TXNRD2: variants seen among roughly 807,000 people sequenced by gnomAD.
TXNRD2 encodes thioredoxin reductase 2, mitochondrial.
Under a neutral mutation model 70.8 loss-of-function variants are expected in TXNRD2, and 67 were observed. The observed-to-expected ratio is 0.95, with a 90% CI of 0.78 to 1.16. The LOEUF (loss-of-function observed/expected upper bound fraction) is 1.16, where lower values mean the gene tolerates loss of function less well. TXNRD2 is among the 50% of genes most tolerant of loss of function. TXNRD2 has a pLI of 0.00. For synonymous variants in TXNRD2, 301 were observed against 295.8 expected, an observed-to-expected ratio of 1.02 and a Z score of -0.18; for missense variants, 644 against 719.9, an observed-to-expected ratio of 0.89 and a Z score of 1.21.
At chr22:19,934,259 C>T (rs747755737) in intron 1 of TXNRD2, among the ~76,000 whole-genome samples, 12 of 152,144 alleles carry the variant, frequency 7.9e-5, no homozygotes, top group Non-Finnish European at 1.6e-4. Flanking sequence ...GCAGGGCCCA[C>T]AGTCCCAGCT....
intron 8 of TXNRD2, among the ~76,000 whole-genome samples, chr22:19,900,575 C>T (rs58923483): frequency 0.03 from 4,638 of 152,132 alleles, 98 homozygotes; most frequent in South Asian, 0.087. Flanking sequence ...ATGGTGAAAC[C>T]CCATCTCTAC....
intron 2 of TXNRD2, among the ~76,000 whole-genome samples, chr22:19,926,232 G>A (rs370790262): frequency 8.3e-5 from 12 of 144,780 alleles, no homozygotes; most frequent in Admixed American, 2.1e-4. Flanking sequence ...GCTCATGCCT[G>A]TAATACCGGC....
At chr22:19,923,927 C>T (rs1001142316) in intron 2 of TXNRD2, among the ~76,000 whole-genome samples, 17 of 144,436 alleles carry the variant, frequency 1.2e-4, no homozygotes, top group African/African-American at 3.4e-4. Flanking sequence ...ACTTGGGTAC[C>T]TGGTTTGTGG....
chr22:19,880,356 C>T, intron 13 of TXNRD2, 85 bp from the exon 14 acceptor site: 3 of 1,401,284 alleles, frequency 2.1e-6, no homozygotes, highest in Non-Finnish European at 3.0e-6. Flanking sequence ...GAGCAGCGAT[C>T]ACAGACCAGG....
At chr22:19,921,352 A>T (rs5746844) in intron 2 of TXNRD2, among the ~76,000 whole-genome samples, 119,280 of 148,700 alleles carry the variant, frequency 0.8, 48,021 homozygotes, top group Admixed American at 0.86. Context: ...CAGGTGGAGG[A>T]TGCAGTGAGT....
At chr22:19,892,472 A>C (rs371953643) in intron 11 of TXNRD2, among the ~76,000 whole-genome samples, 3 of 152,256 alleles carry the variant, frequency 2.0e-5, no homozygotes, top group African/African-American at 4.8e-5. Flanking sequence ...GGGGATGCTC[A>C]TTTTGAAAGT....
rs558954630 is a variant in TXNRD2, at chr22:19,880,646, G to A, written c.1158C>T (p.Ser386=). 94 of 1,613,340 alleles carry A rather than the reference G, an allele frequency of 5.8e-5. No homozygotes were observed. The South Asian group carries it at 1.0e-3, about 17-fold the overall frequency. The part of the protein sequence containing the change: ...RLLVQRLFGG[S]SDLMDYDNVP... The stretch of plus-strand genomic sequence containing the variant: ...CATTGTCGTAGTCCATCAGATCTGA[G>A]GACCCGCCGAAGAGCCGCTGCACCA... Residue 386 remains serine (S), a synonymous_variant, in exon 13 of 18, where the codon TCC becomes TCT. Coordinates refer to ENST00000400521, the MANE Select transcript of TXNRD2 (RefSeq NM_006440.5).
At chr22:19,928,253 C>A (rs1941225972) in intron 2 of TXNRD2, among the ~76,000 whole-genome samples, 1 of 152,110 alleles carries the variant, frequency 6.6e-6, no homozygotes, top group African/African-American at 2.4e-5. Context: ...AAACATATAT[C>A]CACACAAACA....
intron 8 of TXNRD2, chr22:19,902,829 G>A (rs528228265): frequency 7.1e-6 from 3 of 422,140 alleles, no homozygotes; most frequent in African/African-American, 4.1e-5. Flanking sequence ...AGCGGAATGT[G>A]CCACTTAAAT....
At chr22:19,914,072 A>G (rs559734336) in intron 7 of TXNRD2, among the ~76,000 whole-genome samples, 1 of 152,382 alleles carries the variant, frequency 6.6e-6, no homozygotes, top group East Asian at 1.9e-4. Context: ...TGAAATGTTC[A>G]GCTTTCAATA....
chr22:19,880,754 G>T, intron 12 of TXNRD2, 37 bp from the exon 13 acceptor site: 1 of 1,511,178 alleles, frequency 6.6e-7, no homozygotes, highest in Non-Finnish European at 9.2e-7. Flanking sequence ...TCAGCACCAT[G>T]TCCGGGGTTA....
At chr22:19,877,734 A>G (rs1298586924) in intron 16 of TXNRD2, among the ~76,000 whole-genome samples, 1 of 152,172 alleles carries the variant, frequency 6.6e-6, no homozygotes, top group Non-Finnish European at 1.5e-5. Context: ...GACCCAGGCA[A>G]TGGCCCCAGC....
At chr22:19,876,815 C>T in intron 17 of TXNRD2, 1 of 318,842 alleles carries the variant, frequency 3.1e-6, no homozygotes, top group Non-Finnish European at 5.8e-6. Flanking sequence ...GTGTGGGGAG[C>T]AGCTGTGGCC....
intron 11 of TXNRD2, chr22:19,894,230 C>T (rs1376339909): frequency 6.6e-6 from 1 of 152,226 alleles, no homozygotes; most frequent in Non-Finnish European, 1.5e-5. Context: ...TCCATAGAGA[C>T]ACACAGTGAA....
At chr22:19,915,098 AG>A in intron 7 of TXNRD2, 115 bp downstream of exon 7, 1 of 925,408 alleles carries the variant, frequency 1.1e-6, no homozygotes, top group Non-Finnish European at 1.7e-6. Context: ...TAGTGAGTAT[AG>A]GGGGAAAGGG....
intron 11 of TXNRD2, among the ~76,000 whole-genome samples, chr22:19,888,646 G>C (rs1293331949): frequency 6.6e-6 from 1 of 152,208 alleles, no homozygotes; most frequent in East Asian, 1.9e-4. Context: ...GAGGGTGTGG[G>C]AGTGGGAGGC....
At chr22:19,910,238 G>A (rs1047979917) in intron 8 of TXNRD2, among the ~76,000 whole-genome samples, 1 of 152,246 alleles carries the variant, frequency 6.6e-6, no homozygotes, top group Non-Finnish European at 1.5e-5. Context: ...TAGTGACTCT[G>A]CACCTGCTCC....
chr22:19,941,268 G>A (rs1404664458), intron 1 of TXNRD2, among the ~76,000 whole-genome samples: 1 of 152,172 alleles, frequency 6.6e-6, no homozygotes, highest in Non-Finnish European at 1.5e-5. Flanking sequence ...TTCTTCAGGG[G>A]CTCCAGGAGG....
At chr22:19,877,343 G>A (rs1359111941) in intron 16 of TXNRD2, 109 bp from the exon 17 acceptor site, 2 of 1,027,958 alleles carry the variant, frequency 1.9e-6, no homozygotes, top group African/African-American at 3.1e-5. Context: ...TCTCCTCACT[G>A]TCCCCTGACC....
Sources: gnomAD v4.1 joint callset for allele counts (sites outside exome capture counted in the v4.1 genomes callset) on GRCh38, gnomAD v4.1.1 for gene constraint, MANE v1.5 for transcripts, NCBI Gene and HGNC (gene_info 2026-07-23, HGNC 2026-07-21) for gene names.